The following TRPC4 variants were observed in gnomAD, a reference collection of about 807,000 sequenced individuals.
TRPC4 encodes the protein transient receptor potential cation channel subfamily C member 4.
TRPC4 carries 49 observed loss-of-function variants against 99.4 expected under a neutral mutation model. The observed-to-expected ratio is 0.49, with a 90% confidence interval of 0.39 to 0.63. The LOEUF (loss-of-function observed/expected upper bound fraction) is 0.63, where lower values mean the gene tolerates loss of function less well. TRPC4 is among the 20% of genes least tolerant of loss of function. The pLI is 0.00. For missense variants in TRPC4, 898 were observed against 1,152.9 expected (o/e 0.78, Z 3.20); for synonymous variants, 454 against 425.9 (o/e 1.07, Z -0.81).
At chr13:37,866,102 T>A (rs1228431838) in intron 1 of TRPC4, among the ~76,000 whole-genome samples, 2 of 151,808 alleles carry the variant, frequency 1.3e-5, no homozygotes, top group Non-Finnish European at 3.0e-5. Flanking sequence ...ACAGACAGAA[T>A]ATAATTAATG....
chr13:37,796,968 A>ATAAAATAAAATAAAATAAAAT (rs1555273561), intron 1 of TRPC4, among the ~76,000 whole-genome samples: 1 of 115,114 alleles, frequency 8.7e-6, no homozygotes. Flanking sequence ...ATAAAATAAA[A>ATAAAATAAAATAAAATAAAAT]TAAAGTAAAG....
Position 37,745,970 on chromosome 13 carries a change from T to C in TRPC4, c.864A>G (p.Arg288=). Residue 288 remains arginine (R), a synonymous_variant, in exon 3 of 11, where the codon AGA becomes AGG. Transcript: ENST00000379705. The part of the protein sequence containing the change: ...IEEQSGNDLA[R]LKLAIKYRQK... ...GACGGTACTTAATGGCCAATTTTAG[T>C]CTTGCAAGATCATTTCCACTTTGTT... 2 of 1,613,608 alleles carry C rather than the reference T, an allele frequency of 1.2e-6. No individual in the cohort carries two copies. Among genetic ancestry groups the C allele is most frequent in the South Asian group, 2.2e-5 (2 of 91,062 alleles).
chr13:37,827,546 G>T (rs1399310126), intron 1 of TRPC4, among the ~76,000 whole-genome samples: 3 of 152,232 alleles, frequency 2.0e-5, no homozygotes, highest in Admixed American at 1.3e-4. Flanking sequence ...AGGTGTCAGT[G>T]TGCCCCTGCT....
At chr13:37,831,537 C>T (rs1019024276) in intron 1 of TRPC4, among the ~76,000 whole-genome samples, 4 of 152,084 alleles carry the variant, frequency 2.6e-5, no homozygotes, top group Non-Finnish European at 5.9e-5. Flanking sequence ...TGGGTATACA[C>T]TCAAAGGAAC....
intron 2 of TRPC4, among the ~76,000 whole-genome samples, chr13:37,777,176 A>G (rs1037997542): frequency 3.3e-5 from 5 of 151,928 alleles, no homozygotes; most frequent in Admixed American, 2.0e-4. Flanking sequence ...TCTGTTTCCA[A>G]TTGTATTAGT....
At chr13:37,639,670 A>C (rs1040280843) in intron 8 of TRPC4, among the ~76,000 whole-genome samples, 4 of 151,740 alleles carry the variant, frequency 2.6e-5, no homozygotes, top group African/African-American at 7.3e-5. Flanking sequence ...AAATATTAAC[A>C]TGGCAAGATT....
rs1482442387 is a variant in TRPC4 at position 37,823,412 on chromosome 13, G to T, written c.-27-40052C>A. Among the ~76,000 whole-genome samples the T allele has an allele frequency of 2.8e-5, 4 of 143,214 alleles. No homozygotes were observed. In the Admixed American group the frequency reaches 2.9e-4, roughly 11 times the overall value. The allele number at this position is 143,214 out of a possible 152,430, so 94.0% of individuals were successfully genotyped here. ...GGGTTTTTATGGTTTTAGGTCTAAC[G>T]TTGAAGTCTTTAATCCATCTTGAAT... On this transcript the variant is annotated intron_variant, in intron 1 of 10. Coordinates refer to ENST00000379705, the MANE Select transcript of TRPC4 (RefSeq NM_016179.4).
intron 4 of TRPC4, among the ~76,000 whole-genome samples, chr13:37,691,256 C>G (rs554185467): frequency 6.6e-6 from 1 of 152,116 alleles, no homozygotes; most frequent in East Asian, 1.9e-4. Flanking sequence ...CGCCCGCCAC[C>G]ACGCCCGGCT....
intron 1 of TRPC4, among the ~76,000 whole-genome samples, chr13:37,845,594 A>G (rs1029065729): frequency 2.0e-5 from 3 of 151,984 alleles, no homozygotes; most frequent in African/African-American, 7.2e-5. Context: ...AAATTATCCA[A>G]TCGATCAGAG....
chr13:37,709,269 G>T (rs1008297375), intron 3 of TRPC4, among the ~76,000 whole-genome samples: 3 of 151,962 alleles, frequency 2.0e-5, no homozygotes, highest in Admixed American at 6.6e-5. Context: ...GGTACTAAAT[G>T]TTGTCAGCAT....
At chr13:37,859,813 A>C (rs973657520) in intron 1 of TRPC4, among the ~76,000 whole-genome samples, 2 of 151,452 alleles carry the variant, frequency 1.3e-5, no homozygotes, top group South Asian at 4.1e-4. Context: ...GATATCTGTG[A>C]TTATAAAAAT....
intron 3 of TRPC4, among the ~76,000 whole-genome samples, chr13:37,741,253 T>C (rs1379561748): frequency 3.3e-5 from 5 of 152,196 alleles, no homozygotes; most frequent in Non-Finnish European, 7.3e-5. Flanking sequence ...TCACATTTAG[T>C]AATCTTACAA....
chr13:37,697,649 T>C (rs906297151), intron 3 of TRPC4, among the ~76,000 whole-genome samples: 9 of 152,172 alleles, frequency 5.9e-5, no homozygotes, highest in African/African-American at 2.2e-4. Flanking sequence ...TGAGTCTAAA[T>C]TGTTGCAACT....
At chr13:37,867,249 T>G (rs925923241) in intron 1 of TRPC4, among the ~76,000 whole-genome samples, 3 of 151,972 alleles carry the variant, frequency 2.0e-5, no homozygotes, top group Non-Finnish European at 4.4e-5. Flanking sequence ...CTTTAAGCAC[T>G]GATAGTTACA....
At chr13:37,716,201 A>G (rs996996070) in intron 3 of TRPC4, among the ~76,000 whole-genome samples, 1 of 152,136 alleles carries the variant, frequency 6.6e-6, no homozygotes, top group Non-Finnish European at 1.5e-5. Flanking sequence ...GACTTCCTGC[A>G]TAGTTTCTTA....
intron 2 of TRPC4, among the ~76,000 whole-genome samples, chr13:37,776,711 T>C (rs546934821): frequency 1.3e-5 from 2 of 152,098 alleles, no homozygotes; most frequent in South Asian, 4.1e-4. Flanking sequence ...AATTACCATA[T>C]AAAGTTCATG....
At chr13:37,854,925 C>A (rs1372269618) in intron 1 of TRPC4, 2 of 151,878 alleles carry the variant, frequency 1.3e-5, no homozygotes, top group African/African-American at 4.8e-5. Flanking sequence ...GTTTAGCTTC[C>A]AAGATCAGAT....
Position 37,651,417 on chromosome 13 carries a change from A to G in TRPC4, c.1927T>C (p.Trp643Arg). Residue 643 changes from tryptophan to arginine, a missense_variant, in exon 8 of 11, where the codon TGG becomes CGG. Trp to Arg is a moderately radical substitution (Grantham distance 101). This residue lies in a region of TRPC4 where 274 missense variants were observed against 454.9 expected (regional missense o/e 0.60). Coordinates refer to ENST00000379705, the MANE Select transcript of TRPC4 (RefSeq NM_016179.4). The part of the protein sequence containing the change: ...IEWKFARTKL[W>R]MSYFEEGGTL... ...CCTCCTTCTTCAAAATAACTCATCC[A>G]AAGCTTTGTTCGTGCAAATTTCCAT... 1 of 1,614,090 alleles carries G rather than the reference A, an allele frequency of 6.2e-7. No homozygotes were observed. Among genetic ancestry groups the G allele is most frequent in the Non-Finnish European group, 8.5e-7 (1 of 1,179,970 alleles).
At chr13:37,841,474 C>T (rs191521413) in intron 1 of TRPC4, among the ~76,000 whole-genome samples, 192 of 149,934 alleles carry the variant, frequency 1.3e-3, no homozygotes, top group African/African-American at 4.4e-3. Context: ...AAGCTACAGA[C>T]TTGAAAACAT....
Sources: gnomAD v4.1 joint callset for allele counts (sites outside exome capture counted in the v4.1 genomes callset) on GRCh38, gnomAD v4.1.1 for gene constraint, gnomAD v4.1.1 regional missense constraint, MANE v1.5 for transcripts, NCBI Gene and HGNC (gene_info 2026-07-23, HGNC 2026-07-21) for gene names.